The following ERCC8 variants were observed in gnomAD, a reference collection of about 807,000 sequenced individuals.
The protein encoded by ERCC8 is DNA excision repair protein ERCC-8.
ERCC8 carries 52 observed loss-of-function variants against 54.9 expected under a neutral mutation model. The ratio of observed to expected loss-of-function variants is 0.95; its 90% CI spans 0.76 to 1.19. The LOEUF (loss-of-function observed/expected upper bound fraction) is 1.19, where lower values mean the gene tolerates loss of function less well. ERCC8 is among the 50% of genes most tolerant of loss of function. The pLI, the probability that ERCC8 is intolerant of heterozygous loss-of-function variation, is 0.00. For synonymous variants in ERCC8, 146 were observed against 157.2 expected, an observed-to-expected ratio of 0.93 and a Z score of 0.53; for missense variants, 514 against 466.1, an observed-to-expected ratio of 1.10 and a Z score of -0.95.
At chr5:60,891,185 G>T (rs1748538454) in intron 9 of ERCC8, 99 bp from the exon 10 acceptor site, 2 of 819,464 alleles carry the variant, frequency 2.4e-6, no homozygotes, top group Non-Finnish European at 3.9e-6. Flanking sequence ...CTATAAAAAG[G>T]GCTCTTTTAA....
At chr5:60,925,175 A>G (rs1749709822) in intron 2 of ERCC8, among the ~76,000 whole-genome samples, 1 of 152,152 alleles carries the variant, frequency 6.6e-6, no homozygotes, top group South Asian at 2.1e-4. Context: ...TAATGTTTAA[A>G]TTTTATATAT....
At chr5:60,894,046 G>A (rs1297094610) in intron 9 of ERCC8, among the ~76,000 whole-genome samples, 7 of 148,814 alleles carry the variant, frequency 4.7e-5, no homozygotes, top group East Asian at 2.0e-4. Flanking sequence ...GTGCAGTGGC[G>A]CGATCTAGGC....
chr5:60,891,492 G>C (rs1230898980), intron 9 of ERCC8, among the ~76,000 whole-genome samples: 6 of 151,850 alleles, frequency 4.0e-5, no homozygotes. Flanking sequence ...CTTTTCAAAA[G>C]AATAATATTT....
chr5:60,880,694 G>A (rs963212444), intron 11 of ERCC8, among the ~76,000 whole-genome samples: 6 of 152,048 alleles, frequency 3.9e-5, no homozygotes, highest in Non-Finnish European at 8.8e-5. Context: ...CGTAGTTCTC[G>A]TGCCATGGTT....
chr5:60,882,306 C>A (rs1182502192), intron 11 of ERCC8, among the ~76,000 whole-genome samples: 1 of 152,152 alleles, frequency 6.6e-6, no homozygotes, highest in African/African-American at 2.4e-5. Flanking sequence ...AGCTGGAAAA[C>A]AATATATTAA....
intron 10 of ERCC8, among the ~76,000 whole-genome samples, chr5:60,888,612 A>G (rs1408349253): frequency 2.0e-5 from 3 of 152,226 alleles, no homozygotes; most frequent in Non-Finnish European, 4.4e-5. Flanking sequence ...ACTTAGATAG[A>G]ATGATTTACA....
intron 4 of ERCC8, among the ~76,000 whole-genome samples, chr5:60,905,439 C>G (rs1351820630): frequency 6.6e-6 from 1 of 152,170 alleles, no homozygotes; most frequent in East Asian, 1.9e-4. Flanking sequence ...ATACCAATAC[C>G]AAGGTCAACT....
rs1748106231 is a variant in ERCC8, at chr5:60,878,819, G to A, written c.1123-4136C>T. Among the ~76,000 whole-genome samples, 4 of 152,068 alleles carry A rather than the reference G, an allele frequency of 2.6e-5. No individual in the cohort carries two copies. The South Asian group carries it at 6.2e-4, about 24-fold the overall frequency. ...TTTTGTTGATCTTTTACAAAAACCAGCTCCTGGATTCACTGATTTTTTGAA... is the reference window on the plus strand; with the variant it reads ...TTTTGTTGATCTTTTACAAAAACCAACTCCTGGATTCACTGATTTTTTGAA... On this transcript the variant is annotated intron_variant, in intron 11 of 11. Coordinates refer to ENST00000676185, the MANE Select transcript of ERCC8 (RefSeq NM_000082.4).
chr5:60,895,638 A>G (rs1409443901), intron 9 of ERCC8, among the ~76,000 whole-genome samples: 1 of 152,202 alleles, frequency 6.6e-6, no homozygotes, highest in Non-Finnish European at 1.5e-5. Flanking sequence ...AAAATATAAC[A>G]TTCCCTCATT....
At chr5:60,941,446 G>A (rs987366457) in intron 1 of ERCC8, among the ~76,000 whole-genome samples, 2 of 152,094 alleles carry the variant, frequency 1.3e-5, no homozygotes, top group African/African-American at 4.8e-5. Context: ...ATTATAAAAG[G>A]ACTAACATTT....
At chr5:60,895,410 T>C (rs1448759655) in intron 9 of ERCC8, among the ~76,000 whole-genome samples, 2 of 152,148 alleles carry the variant, frequency 1.3e-5, no homozygotes, top group East Asian at 3.9e-4. Context: ...ATTAAACTCA[T>C]TTTGGTGGAC....
intron 11 of ERCC8, among the ~76,000 whole-genome samples, chr5:60,876,292 G>T (rs990768859): frequency 6.6e-6 from 1 of 152,170 alleles, no homozygotes; most frequent in African/African-American, 2.4e-5. Context: ...ATGGACATTT[G>T]GGTTGGTTCC....
rs1748610710 is a variant in ERCC8 at position 60,892,969 on chromosome 5, C to T, written c.844-1883G>A. The stretch of plus-strand genomic sequence containing the variant: ...TTCCCCAGAACCCTCATGAGGTTTT[C>T]AGCTCCAAAGCTGACCTGATGCTGG... On this transcript the variant is annotated intron_variant, in intron 9 of 11. Coordinates refer to ENST00000676185, the MANE Select transcript of ERCC8 (RefSeq NM_000082.4). The T allele has an allele frequency of 1.0e-5, 8 of 764,446 alleles. No homozygotes were observed. In the Admixed American group the frequency reaches 1.4e-4, roughly 13 times the overall value. 47.4% of individuals were successfully genotyped at this position (764,446 alleles called of 1,614,324 possible).
chr5:60,896,497 ACCGTG>A (rs1216863995), intron 9 of ERCC8, among the ~76,000 whole-genome samples: 1 of 152,132 alleles, frequency 6.6e-6, no homozygotes, highest in East Asian at 1.9e-4. Context: ...GGTGTGAGCG[ACCGTG>A]CCTGGCCTGT....
chr5:60,934,004 G>C (rs938301519), intron 1 of ERCC8, among the ~76,000 whole-genome samples: 1 of 152,048 alleles, frequency 6.6e-6, no homozygotes, highest in Admixed American at 6.6e-5. Flanking sequence ...ATTTGGGCTG[G>C]TTCTATATTT....
intron 1 of ERCC8, among the ~76,000 whole-genome samples, chr5:60,938,439 T>C (rs911097311): frequency 4.7e-5 from 7 of 150,234 alleles, no homozygotes; most frequent in African/African-American, 1.7e-4. Context: ...CTGCAACCTC[T>C]GTCTCCAGAG....
intron 11 of ERCC8, among the ~76,000 whole-genome samples, chr5:60,880,321 A>G (rs914503862): frequency 7.2e-5 from 11 of 151,986 alleles, no homozygotes; most frequent in African/African-American, 1.9e-4. Flanking sequence ...TTTCAGCTTT[A>G]GTGAATCTGA....
chr5:60,930,172 G>A (rs1179437827), intron 1 of ERCC8, among the ~76,000 whole-genome samples: 2 of 152,232 alleles, frequency 1.3e-5, no homozygotes, highest in South Asian at 2.1e-4. Context: ...GCTCATGCCT[G>A]TAATCCTAGC....
chr5:60,940,139 T>C (rs181263515), intron 1 of ERCC8, among the ~76,000 whole-genome samples: 64 of 152,352 alleles, frequency 4.2e-4, no homozygotes, highest in African/African-American at 1.5e-3. Flanking sequence ...TTTTATGAGT[T>C]GTGATATTTA....
Sources: gnomAD v4.1 joint callset for allele counts (sites outside exome capture counted in the v4.1 genomes callset) on GRCh38, gnomAD v4.1.1 for gene constraint, MANE v1.5 for transcripts, NCBI Gene and HGNC (gene_info 2026-07-23, HGNC 2026-07-21) for gene names.